CAV3: variants seen among roughly 807,000 people sequenced by gnomAD.
CAV3 encodes caveolin-3.
CAV3 carries 10 observed loss-of-function variants against 13.4 expected under a neutral mutation model. The ratio of observed to expected loss-of-function variants is 0.75; its 90% CI spans 0.46 to 1.27. The LOEUF (loss-of-function observed/expected upper bound fraction) is 1.27. Ranked by LOEUF, CAV3 falls within the 50% of genes most tolerant of loss-of-function variation. The probability of loss-of-function intolerance (pLI) is 0.00; values close to 1 mark genes in which losing one functional copy is unlikely to be tolerated. For synonymous variants in CAV3, 90 were observed against 79.0 expected (o/e 1.14, Z -0.74); for missense variants, 162 against 194.0 (o/e 0.83, Z 0.98).
Position 8,746,052 on chromosome 3 carries a change from C to T in CAV3, c.*185C>T, listed in dbSNP as rs1195500108. ...CGGCCCAGCCACAGAAGCACAATGGCCCTTCGCTCTCCCCCAGCCCCACCA... is the reference window on the plus strand; with the variant it reads ...CGGCCCAGCCACAGAAGCACAATGGTCCTTCGCTCTCCCCCAGCCCCACCA... On this transcript the variant is annotated 3_prime_UTR_variant, in exon 2 of 2. Coordinates refer to ENST00000343849, the MANE Select transcript of CAV3 (RefSeq NM_033337.3). 5.1e-6 allele frequency: 3 copies of T among 587,474 alleles called. No individual in the cohort carries two copies. The highest frequency in any genetic ancestry group is 9.1e-6 in the Non-Finnish European group (3 of 330,312). 36.4% of individuals were successfully genotyped at this position (587,474 alleles called of 1,614,324 possible).
intron 1 of CAV3, among the ~76,000 whole-genome samples, chr3:8,741,663 G>A (rs571150104): frequency 4.6e-5 from 7 of 152,252 alleles, no homozygotes; most frequent in South Asian, 2.1e-4. Context: ...ACCCTGCTAA[G>A]AGCTATTTCC....
intron 1 of CAV3, among the ~76,000 whole-genome samples, chr3:8,743,330 T>C (rs529535771): frequency 6.6e-6 from 1 of 152,212 alleles, no homozygotes; most frequent in Admixed American, 6.5e-5. Flanking sequence ...GACTAGAACC[T>C]CCATAAACAT....
chr3:8,739,163 G>A (rs1020999015), intron 1 of CAV3, among the ~76,000 whole-genome samples: 1 of 152,184 alleles, frequency 6.6e-6, no homozygotes, highest in Non-Finnish European at 1.5e-5. Context: ...GGACTCCTGG[G>A]TATCAACTGA....
intron 1 of CAV3, 136 bp downstream of exon 1, chr3:8,734,126 C>G: frequency 3.0e-6 from 2 of 675,802 alleles, no homozygotes; most frequent in East Asian, 2.8e-5. Context: ...TCTGTATCAC[C>G]CCCCCAACCC....
Position 8,745,876 on chromosome 3 carries a change from G to C in CAV3, c.*9G>C, listed in dbSNP as rs749424132. ...TGCGGAAGGAGGTCTAAAGCCAGGT[G>C]GGGCAACAGCGGTGGCAGGGCAGGG... is the stretch of plus-strand genomic sequence containing the variant. On this transcript the variant is annotated 3_prime_UTR_variant, in exon 2 of 2. Transcript: ENST00000343849. The surrounding 1 kb of genome is among the most constrained non-coding windows in gnomAD (Gnocchi z 4.8). 1.2e-6 allele frequency: 2 copies of C among 1,606,618 alleles called. No individual in the cohort carries two copies. Among genetic ancestry groups the C allele is most frequent in the Non-Finnish European group, 1.7e-6 (2 of 1,176,384 alleles).
At position 8,744,299 on chromosome 3, in the gene CAV3, G is replaced by A. The variant is rs549470802; in HGVS notation, c.115-1227G>A. 1.2e-4 allele frequency among the ~76,000 whole-genome samples: 14 copies of A among 120,262 alleles called. No homozygotes were observed. The South Asian group carries it at 2.2e-3, about 19-fold the overall frequency. The allele number at this position is 120,262 out of a possible 152,430, so 78.9% of individuals were successfully genotyped here. On this transcript the variant is annotated intron_variant, in intron 1 of 1. Coordinates refer to ENST00000343849, the MANE Select transcript of CAV3 (RefSeq NM_033337.3). ...AATTTTTTTTTTTTTTTTTTTTTGA[G>A]ATGGAGTCTCGCTCTGTCACCCAGG...
rs567125845 is a variant in CAV3, at chr3:8,746,179, G to A, written c.*312G>A. 8 of 281,274 alleles carry A rather than the reference G, an allele frequency of 2.8e-5. No homozygotes were observed. The highest frequency in any genetic ancestry group is 4.2e-5 in the African/African-American group (2 of 47,108). The allele number at this position is 281,274 out of a possible 1,614,324, so 17.4% of individuals were successfully genotyped here. A position where few individuals can be genotyped will look rare whatever the true frequency, so the allele number is the denominator to read the frequency against. Reference sequence around the variant, plus strand: ...ACTGTAACAACATAAACCAGCACGCGGTTCCCACCCGGGGCCAACCTCTCC... The same window carrying A: ...ACTGTAACAACATAAACCAGCACGCAGTTCCCACCCGGGGCCAACCTCTCC... On this transcript the variant is annotated 3_prime_UTR_variant, in exon 2 of 2. Coordinates refer to ENST00000343849, the MANE Select transcript of CAV3 (RefSeq NM_033337.3).
intron 1 of CAV3, among the ~76,000 whole-genome samples, chr3:8,741,653 A>C (rs1707963257): frequency 6.6e-6 from 1 of 151,982 alleles, no homozygotes; most frequent in Non-Finnish European, 1.5e-5. Context: ...ATACCTCCCC[A>C]CCCTGCTAAG....
Position 8,745,850 on chromosome 3 carries a change from C to T in CAV3, c.439C>T (p.Leu147=). 3 of 1,612,364 alleles carry T rather than the reference C, an allele frequency of 1.9e-6. No individual in the cohort carries two copies. Among genetic ancestry groups the T allele is most frequent in the Non-Finnish European group, 2.5e-6 (3 of 1,179,492 alleles). ...GQVCSSIKVV[L]RKEV The stretch of plus-strand genomic sequence containing the variant: ...GGTCTGCAGCAGCATCAAGGTGGTG[C>T]TGCGGAAGGAGGTCTAAAGCCAGGT... Residue 147 remains leucine, a synonymous_variant, in exon 2 of 2, where the codon CTG becomes TTG. Coordinates refer to ENST00000343849, the MANE Select transcript of CAV3 (RefSeq NM_033337.3). The surrounding 1 kb of genome is among the most constrained non-coding windows in gnomAD (Gnocchi z 4.8).
chr3:8,742,372 A>AAG (rs1553614072), intron 1 of CAV3: 12 of 345,866 alleles, frequency 3.5e-5, no homozygotes, highest in East Asian at 8.1e-5. Context: ...AAAAAAAAAA[A>AAG]AAGAAGAAGA....
intron 1 of CAV3, among the ~76,000 whole-genome samples, chr3:8,736,353 A>G (rs1278156759): frequency 1.3e-5 from 2 of 152,198 alleles, no homozygotes; most frequent in Non-Finnish European, 2.9e-5. Flanking sequence ...AATGAGATGA[A>G]GGGTTTGAAA....
At chr3:8,741,016 T>A (rs1707940245) in intron 1 of CAV3, among the ~76,000 whole-genome samples, 1 of 152,252 alleles carries the variant, frequency 6.6e-6, no homozygotes, top group Non-Finnish European at 1.5e-5. Context: ...ATCGTGGGTG[T>A]TACCATGGTT....
chr3:8,744,180 A>C (rs1253907144), intron 1 of CAV3, among the ~76,000 whole-genome samples: 1 of 152,134 alleles, frequency 6.6e-6, no homozygotes, highest in Non-Finnish European at 1.5e-5. Flanking sequence ...ACAGCTCTGC[A>C]ACCTCCCACT....
chr3:8,745,996 C>A lies in CAV3; in HGVS notation c.*129C>A, dbSNP rs1254229910. On this transcript the variant is annotated 3_prime_UTR_variant, in exon 2 of 2. Transcript: ENST00000343849. This position sits in a 1 kb window ranked among gnomAD's most constrained non-coding sequence, Gnocchi z 4.8. The stretch of plus-strand genomic sequence containing the variant: ...GACTGCTCCATACCCCATGATGGAG[C>A]ACACGGTGTAGGGAAGCCAGAAAGA... 6 of 709,410 alleles carry A rather than the reference C, an allele frequency of 8.5e-6. No homozygotes were observed. Among genetic ancestry groups the A allele is most frequent in the Non-Finnish European group, 1.4e-5 (6 of 430,738 alleles). The allele number at this position is 709,410 out of a possible 1,614,324, so 43.9% of individuals were successfully genotyped here.
chr3:8,742,419 C>A, intron 1 of CAV3: 1 of 408,318 alleles, frequency 2.4e-6, no homozygotes, highest in South Asian at 1.8e-5. Flanking sequence ...CATACAGAAG[C>A]CATTGGCGGT....
In CAV3 at chr3:8,733,895, A is replaced by G. The variant is rs1227645764; in HGVS notation, c.19A>G (p.Thr7Ala). 1 of 1,611,072 alleles carries G rather than the reference A, an allele frequency of 6.2e-7. No individual in the cohort carries two copies. Among genetic ancestry groups the G allele is most frequent in the Non-Finnish European group, 8.5e-7 (1 of 1,177,394 alleles). MMAEEH[T>A]DLEAQIVKDI... Reference sequence around the variant, plus strand: ...CTCTGCGATGATGGCAGAAGAGCACACAGATCTCGAGGCCCAGATCGTCAA... The same window carrying G: ...CTCTGCGATGATGGCAGAAGAGCACGCAGATCTCGAGGCCCAGATCGTCAA... Residue 7 changes from threonine to alanine, a missense_variant, in exon 1 of 2, where the codon ACA becomes GCA. Physicochemically the swap from Thr to Ala is moderately conservative, Grantham distance 58. Transcript: ENST00000343849.
In CAV3 at chr3:8,745,622, TGGTGCTACC is replaced by T; in HGVS notation, c.213_221del (p.Trp71_Arg74delinsCys). The T allele has an allele frequency of 6.2e-7, 1 of 1,614,132 alleles. No individual in the cohort carries two copies. ...CACCACCTTCACTGTCTCCAAGTAC[TGGTGCTACC>T]GTCTGTTGTCCACGCTGCTGGGCGT... is the stretch of plus-strand genomic sequence containing the variant. On this transcript the variant is annotated inframe_deletion, in exon 2 of 2. Transcript: ENST00000343849. This position sits in a 1 kb window ranked among gnomAD's most constrained non-coding sequence, Gnocchi z 4.8.
chr3:8,736,185 C>T (rs888064289), intron 1 of CAV3, among the ~76,000 whole-genome samples: 3 of 152,140 alleles, frequency 2.0e-5, no homozygotes, highest in African/African-American at 7.2e-5. Context: ...AAATCCAGTC[C>T]ATTTTACCTA....
chr3:8,736,476 A>C (rs237868), intron 1 of CAV3, among the ~76,000 whole-genome samples: 43,624 of 152,096 alleles, frequency 0.29, 6,429 homozygotes, highest in African/African-American at 0.38. Context: ...AGCCTGCGTC[A>C]TGCCCAGGTA....
Sources: gnomAD v4.1 joint callset for allele counts (sites outside exome capture counted in the v4.1 genomes callset) on GRCh38, gnomAD v4.1.1 for gene constraint, Gnocchi (gnomAD v3.1) non-coding constraint, MANE v1.5 for transcripts, NCBI Gene and HGNC (gene_info 2026-07-23, HGNC 2026-07-21) for gene names.